The following SERINC1 variants were observed in gnomAD, a reference collection of about 807,000 sequenced individuals.
The protein encoded by SERINC1 is tumor differentially expressed protein 2.
SERINC1 carries 38 observed loss-of-function variants against 52.9 expected under a neutral mutation model. The observed-to-expected ratio is 0.72, with a 90% CI of 0.55 to 0.94. The LOEUF is 0.94. Ranked by LOEUF, SERINC1 falls within the 40% of genes least tolerant of loss-of-function variation. The probability of loss-of-function intolerance (pLI) is 0.00; values close to 1 mark genes in which losing one functional copy is unlikely to be tolerated. For missense variants in SERINC1, 471 were observed against 533.9 expected (o/e 0.88, Z 1.16); for synonymous variants, 198 against 183.1 (o/e 1.08, Z -0.66).
Position 122,443,715 on chromosome 6 carries a change from G to A in SERINC1, c.*1329C>T, listed in dbSNP as rs1165257420. The A allele has an allele frequency of 6.6e-6, 1 of 152,198 alleles. No individual in the cohort carries two copies. The highest frequency in any genetic ancestry group is 1.9e-4 in the East Asian group (1 of 5,190). The allele number at this position is 152,198 out of a possible 1,614,324, so 9.4% of individuals were successfully genotyped here. ...TTCTTCTGACCTGTTTATGGGTCAT[G>A]CTGGACACCAGCAATCCACATCACA... is the stretch of plus-strand genomic sequence containing the variant. On this transcript the variant is annotated 3_prime_UTR_variant, in exon 10 of 10. Transcript: ENST00000339697.
At chr6:122,446,370 C>G (rs1334997105) in intron 9 of SERINC1, among the ~76,000 whole-genome samples, 1 of 151,598 alleles carries the variant, frequency 6.6e-6, no homozygotes, top group African/African-American at 2.4e-5. Flanking sequence ...AAGAATCTAT[C>G]TACATTAATG....
chr6:122,444,871 A>G lies in SERINC1; in HGVS notation c.*173T>C. The G allele has an allele frequency of 3.2e-6, 2 of 622,066 alleles. No individual in the cohort carries two copies. Among genetic ancestry groups the G allele is most frequent in the Non-Finnish European group, 5.4e-6 (2 of 367,680 alleles). The allele number at this position is 622,066 out of a possible 1,614,324, so 38.5% of individuals were successfully genotyped here. On this transcript the variant is annotated 3_prime_UTR_variant, in exon 10 of 10. Coordinates refer to ENST00000339697, the MANE Select transcript of SERINC1 (RefSeq NM_020755.4). ...CTCTGCAATTCATTCTACTTCACAT[A>G]TCAATGCACTTGGTAAGAAAATAAC...
chr6:122,452,236 G>A (rs899205535), intron 5 of SERINC1, among the ~76,000 whole-genome samples, 179 bp from the exon 6 acceptor site: 2 of 152,122 alleles, frequency 1.3e-5, no homozygotes, highest in African/African-American at 2.4e-5. Flanking sequence ...GACCTTTATT[G>A]CTGAAGAATT....
intron 1 of SERINC1, among the ~76,000 whole-genome samples, chr6:122,465,868 A>C (rs1056422444): frequency 3.3e-5 from 5 of 152,230 alleles, no homozygotes; most frequent in Admixed American, 3.3e-4. Context: ...AGGGTATATC[A>C]TAAAGATAAA....
intron 1 of SERINC1, among the ~76,000 whole-genome samples, chr6:122,471,301 AAC>A (rs1232318086): frequency 2.0e-5 from 3 of 152,128 alleles, no homozygotes; most frequent in Non-Finnish European, 4.4e-5. Context: ...AAGAGATGAC[AAC>A]AGAGTGGGTA....
chr6:122,444,430 T>C lies in SERINC1; in HGVS notation c.*614A>G, dbSNP rs1774723133. 1 of 152,288 alleles carries C rather than the reference T, an allele frequency of 6.6e-6. No homozygotes were observed. Among genetic ancestry groups the C allele is most frequent in the Non-Finnish European group, 1.5e-5 (1 of 68,086 alleles). 9.4% of individuals were successfully genotyped at this position (152,288 alleles called of 1,614,324 possible). The stretch of plus-strand genomic sequence containing the variant: ...GTTTAAAACAACCAAAACAGTTCAC[T>C]TTGTTGGCAAAGGCCATCTCTACCC... On this transcript the variant is annotated 3_prime_UTR_variant, in exon 10 of 10. Coordinates refer to ENST00000339697, the MANE Select transcript of SERINC1 (RefSeq NM_020755.4).
chr6:122,456,920 A>T (rs1232681468), intron 2 of SERINC1, among the ~76,000 whole-genome samples: 1 of 152,212 alleles, frequency 6.6e-6, no homozygotes, highest in East Asian at 1.9e-4. Flanking sequence ...CCTACATTTT[A>T]AAAACTTGCA....
At chr6:122,452,120 G>A in intron 5 of SERINC1, 63 bp from the exon 6 acceptor site, 1 of 1,088,060 alleles carries the variant, frequency 9.2e-7, no homozygotes, top group Non-Finnish European at 1.2e-6. Context: ...ATTAGAAATG[G>A]GACCTGTTTT....
chr6:122,449,721 A>C (rs1207867056), intron 7 of SERINC1, among the ~76,000 whole-genome samples: 1 of 152,312 alleles, frequency 6.6e-6, no homozygotes, highest in East Asian at 1.9e-4. Flanking sequence ...AAAATTAATG[A>C]AAGTAGCTAC....
In SERINC1 at chr6:122,458,641, C is replaced by A; in HGVS notation, c.80G>T (p.Arg27Leu). ...GGAGTTGTTTCCACTAGGACAGCAT[C>A]GGCATAGCAAACACGGGGCACTTCC... is the stretch of plus-strand genomic sequence containing the variant. ...LCGSAPCLLCRCCPSGNNSTV... is the reference protein window; with the variant it reads ...LCGSAPCLLCLCCPSGNNSTV... Residue 27 changes from arginine to leucine, a missense_variant, in exon 2 of 10, where the codon CGA (arginine) becomes CTA (leucine). Coordinates refer to ENST00000339697, the MANE Select transcript of SERINC1 (RefSeq NM_020755.4). 6.2e-7 allele frequency: 1 copy of A among 1,609,388 alleles called. No individual in the cohort carries two copies. The highest frequency in any genetic ancestry group is 2.2e-5 in the East Asian group (1 of 44,780).
chr6:122,458,451 A>G (rs1775039465), intron 2 of SERINC1, 69 bp downstream of exon 2: 2 of 1,042,334 alleles, frequency 1.9e-6, no homozygotes, highest in South Asian at 3.4e-5. Context: ...ATATCCCCGA[A>G]TCAATTTTAT....
At chr6:122,460,160 C>G (rs1775076106) in intron 1 of SERINC1, among the ~76,000 whole-genome samples, 1 of 152,150 alleles carries the variant, frequency 6.6e-6, no homozygotes, top group Non-Finnish European at 1.5e-5. Flanking sequence ...TTCCCCCACC[C>G]ACTCCGGGTT....
chr6:122,461,662 A>T (rs931112895), intron 1 of SERINC1, among the ~76,000 whole-genome samples: 55 of 152,286 alleles, frequency 3.6e-4, no homozygotes, highest in African/African-American at 1.2e-3. Flanking sequence ...GTATAATAAA[A>T]AAAAAAAAGA....
In SERINC1 at chr6:122,451,774, A is replaced by ATATATAT. The variant is rs1415169953; in HGVS notation, c.760-21_760-20insATATATA. 1.0e-3 allele frequency: 217 copies of ATATATAT among 211,026 alleles called. No individual in the cohort carries two copies. The highest frequency in any genetic ancestry group is 5.5e-3 in the East Asian group (33 of 5,956). The allele number at this position is 211,026 out of a possible 1,614,324, so 13.1% of individuals were successfully genotyped here. On this transcript the variant is annotated intron_variant, in intron 6 of 9. Transcript: ENST00000339697. Reference sequence around the variant, plus strand: ...TGATTCCTACAAAAAAAAAAAAAAAAAAATATATATATATATATATAGCAA... The same window carrying ATATATAT: ...TGATTCCTACAAAAAAAAAAAAAAAATATATATAAATATATATATATATATATAGCAA...
intron 7 of SERINC1, among the ~76,000 whole-genome samples, 179 bp from the exon 8 acceptor site, chr6:122,447,444 T>G (rs1774826796): frequency 6.6e-6 from 1 of 152,176 alleles, no homozygotes; most frequent in Non-Finnish European, 1.5e-5. Flanking sequence ...ACCTTTGAAG[T>G]GTTAATAGTT....
chr6:122,456,293 C>A (rs545431092), intron 3 of SERINC1, among the ~76,000 whole-genome samples, 188 bp downstream of exon 3: 6 of 152,250 alleles, frequency 3.9e-5, no homozygotes, highest in African/African-American at 1.4e-4. Context: ...GTTATCACAG[C>A]TATTATTTAA....
At chr6:122,447,348 T>C (rs965107913) in intron 7 of SERINC1, 83 bp from the exon 8 acceptor site, 1 of 992,846 alleles carries the variant, frequency 1.0e-6, no homozygotes, top group Non-Finnish European at 1.5e-6. Flanking sequence ...TTTAACTCTC[T>C]ATACCCCTGC....
chr6:122,455,638 T>C (rs1364999377), intron 3 of SERINC1, among the ~76,000 whole-genome samples: 2 of 152,176 alleles, frequency 1.3e-5, no homozygotes, highest in African/African-American at 2.4e-5. Context: ...TCTGTCCCTC[T>C]AGAGAACCCT....
chr6:122,461,388 C>A (rs1775096745), intron 1 of SERINC1, among the ~76,000 whole-genome samples: 1 of 151,564 alleles, frequency 6.6e-6, no homozygotes, highest in African/African-American at 2.4e-5. Context: ...AAAATCAGTA[C>A]CGAAAGAAAA....
Sources: allele counts gnomAD v4.1 joint callset (sites outside exome capture counted in the v4.1 genomes callset), GRCh38; gene constraint gnomAD v4.1.1; transcripts MANE v1.5; gene names NCBI Gene and HGNC (gene_info 2026-07-23, HGNC 2026-07-21).